Variants in ABCA1 observed in about 807,000 individuals in gnomAD.
ABCA1 encodes the protein phospholipid-transporting ATPase ABCA1.
A neutral mutation model predicts 262.5 loss-of-function variants in ABCA1; 133 were observed. The ratio of observed to expected loss-of-function variants is 0.51; its 90% CI spans 0.44 to 0.59. The LOEUF is 0.59. ABCA1 is among the 20% of genes least tolerant of loss of function. ABCA1 has a pLI of 0.00. For synonymous variants in ABCA1, 1,022 were observed against 1,043.5 expected, an observed-to-expected ratio of 0.98 and a Z score of 0.40; for missense variants, 2,452 against 2,777.5, an observed-to-expected ratio of 0.88 and a Z score of 2.63.
chr9:104,872,386 G>A (rs1837697850), intron 5 of ABCA1, among the ~76,000 whole-genome samples: 1 of 152,174 alleles, frequency 6.6e-6, no homozygotes. Context: ...AGCTGGGGAT[G>A]GCACCTATGC....
At chr9:104,914,684 CT>C (rs1841732543) in intron 1 of ABCA1, among the ~76,000 whole-genome samples, 1 of 152,094 alleles carries the variant, frequency 6.6e-6, no homozygotes. Context: ...TGACGCAGCG[CT>C]CCACAATCAC....
chr9:104,907,500 T>C (rs572598517), intron 1 of ABCA1, among the ~76,000 whole-genome samples: 2 of 152,286 alleles, frequency 1.3e-5, no homozygotes, highest in East Asian at 3.9e-4. Flanking sequence ...GCTTAATTAA[T>C]TAAGAGACGG....
At chr9:104,862,834 A>G (rs1836757622) in intron 5 of ABCA1, among the ~76,000 whole-genome samples, 1 of 145,950 alleles carries the variant, frequency 6.9e-6, no homozygotes, top group South Asian at 2.2e-4. Context: ...CCTGGGGACC[A>G]TGTTTTGACA....
Position 104,784,270 on chromosome 9 carries a change from T to C in ABCA1, c.*45A>G, listed in dbSNP as rs1175904764. On this transcript the variant is annotated 3_prime_UTR_variant, in exon 50 of 50. Transcript: ENST00000374736. ...ACACTTCACATGGTGCAAAGGAAAGTCTAGTTCCTCTTTACTTTCAGCCAC... is the reference window on the plus strand; with the variant it reads ...ACACTTCACATGGTGCAAAGGAAAGCCTAGTTCCTCTTTACTTTCAGCCAC... 3 of 1,612,884 alleles carry C rather than the reference T, an allele frequency of 1.9e-6. No individual in the cohort carries two copies. Among genetic ancestry groups the C allele is most frequent in the Non-Finnish European group, 1.7e-6 (2 of 1,179,218 alleles).
chr9:104,821,442 G>A lies in ABCA1; in HGVS notation c.2893C>T (p.Arg965Cys), dbSNP rs375095390. Residue 965 changes from arginine (R) to cysteine (C), a missense_variant, in exon 20 of 50, where the codon CGC becomes TGC. Arg to Cys is a radical substitution (Grantham distance 180). Coordinates refer to ENST00000374736, the MANE Select transcript of ABCA1 (RefSeq NM_005502.4). ...GTAYILGKDI[R>C]SEMSTIRQNL... Reference sequence around the variant, plus strand: ...TGCCGGATGGTGCTCATCTCAGAGCGAATGTCTTTTCCCAGGATGTAGGCG... The same window carrying A: ...TGCCGGATGGTGCTCATCTCAGAGCAAATGTCTTTTCCCAGGATGTAGGCG... 3.3e-5 allele frequency: 54 copies of A among 1,613,994 alleles called. No homozygotes were observed. In the Middle Eastern group the frequency reaches 6.6e-4, roughly 20 times the overall value.
At chr9:104,869,491 C>A (rs533161339) in intron 5 of ABCA1, among the ~76,000 whole-genome samples, 7 of 152,158 alleles carry the variant, frequency 4.6e-5, no homozygotes, top group Admixed American at 4.6e-4. Flanking sequence ...ACTCCAGTGT[C>A]TTTATGGTAT....
Position 104,883,130 on chromosome 9 carries a change from C to T in ABCA1, c.330G>A (p.Arg110=). 1 of 1,613,478 alleles carries T rather than the reference C, an allele frequency of 6.2e-7. No homozygotes were observed. Among genetic ancestry groups the T allele is most frequent in the African/African-American group, 1.3e-5 (1 of 74,440 alleles). Residue 110 remains arginine (R), a synonymous_variant, in exon 5 of 50, where the codon CGG becomes CGA. Transcript: ENST00000374736. ...CTTTCTGGCTGTATAAAAGAAGCCT[C>T]CGAGCATCTGAGAACAGGCGAGCCA... ...SIVARLFSDA[R]RLLLYSQKDT...
At chr9:104,807,341 C>G (rs575770275) in intron 30 of ABCA1, among the ~76,000 whole-genome samples, 1 of 152,302 alleles carries the variant, frequency 6.6e-6, no homozygotes, top group South Asian at 2.1e-4. Context: ...AACCTCATCT[C>G]CAGCTCTGAA....
chr9:104,835,056 C>T (rs181202677), intron 11 of ABCA1, among the ~76,000 whole-genome samples: 64 of 152,058 alleles, frequency 4.2e-4, no homozygotes, highest in African/African-American at 1.4e-3. Flanking sequence ...CATTCCAGCC[C>T]GACCAACATG....
At chr9:104,798,358 T>C in intron 37 of ABCA1, 63 bp downstream of exon 37, 3 of 1,571,134 alleles carry the variant, frequency 1.9e-6, no homozygotes, top group Non-Finnish European at 2.6e-6. Context: ...TCTTTCTTTC[T>C]TATCCATATC....
intron 44 of ABCA1, among the ~76,000 whole-genome samples, chr9:104,789,853 G>A (rs1358585535): frequency 6.6e-6 from 1 of 152,098 alleles, no homozygotes; most frequent in East Asian, 1.9e-4. Flanking sequence ...CAGAACTTTG[G>A]GAGGCTGAGG....
In ABCA1 at chr9:104,804,718, T is replaced by C. The variant is rs748954107; in HGVS notation, c.4467A>G (p.Arg1489=). 1.9e-6 allele frequency: 3 copies of C among 1,613,622 alleles called. No homozygotes were observed. In the Admixed American group the frequency reaches 5.0e-5, roughly 27 times the overall value. The change falls in exon 32 of 50, where the codon AGA becomes AGG. Residue 1489 remains arginine (R), a splice_region_variant and synonymous_variant. Coordinates refer to ENST00000374736, the MANE Select transcript of ABCA1 (RefSeq NM_005502.4). ...GAAGGATATCTGCAGTGTTTTGTTTTCTCTGTCATCACATGAAAACCAAGC... is the reference window on the plus strand; with the variant it reads ...GAAGGATATCTGCAGTGTTTTGTTTCCTCTGTCATCACATGAAAACCAAGC... ...PGAGGLPPPQ[R]KQNTADILQD...
intron 46 of ABCA1, 163 bp downstream of exon 46, chr9:104,787,757 G>C: frequency 1.1e-6 from 1 of 892,586 alleles, no homozygotes; most frequent in Non-Finnish European, 1.3e-6. Context: ...CCACCCCAGT[G>C]TGTGCCAAGG....
intron 48 of ABCA1, 64 bp from the exon 49 acceptor site, chr9:104,785,703 C>G: frequency 1.2e-6 from 2 of 1,601,846 alleles, no homozygotes; most frequent in Non-Finnish European, 1.7e-6. Context: ...GAATACTGAA[C>G]CCTGGGAACC....
intron 2 of ABCA1, among the ~76,000 whole-genome samples, chr9:104,901,376 G>A (rs1840655854): frequency 6.6e-6 from 1 of 151,978 alleles, no homozygotes; most frequent in Non-Finnish European, 1.5e-5. Context: ...AAAATAAGAG[G>A]TTCAGACTAG....
At chr9:104,848,410 T>C (rs1236036789) in intron 7 of ABCA1, among the ~76,000 whole-genome samples, 1 of 151,166 alleles carries the variant, frequency 6.6e-6, no homozygotes, top group Non-Finnish European at 1.5e-5. Flanking sequence ...AGGTCAGGAG[T>C]TCAAGACGAG....
At chr9:104,854,632 A>C (rs931673191) in intron 7 of ABCA1, among the ~76,000 whole-genome samples, 3 of 152,106 alleles carry the variant, frequency 2.0e-5, no homozygotes, top group Admixed American at 2.0e-4. Flanking sequence ...GACCCAAGAG[A>C]AAGTTAAGAA....
At chr9:104,820,720 C>T (rs942429026) in intron 20 of ABCA1, among the ~76,000 whole-genome samples, 2 of 152,098 alleles carry the variant, frequency 1.3e-5, no homozygotes, top group African/African-American at 2.4e-5. Flanking sequence ...TGAAGCACTA[C>T]CAGGTCTGGG....
intron 11 of ABCA1, among the ~76,000 whole-genome samples, chr9:104,834,030 A>G (rs1833581714): frequency 6.7e-6 from 1 of 149,146 alleles, no homozygotes; most frequent in South Asian, 2.1e-4. Context: ...TGGAGTCTCC[A>G]AGGGTCTGAA....
Sources: gnomAD v4.1 joint callset for allele counts (sites outside exome capture counted in the v4.1 genomes callset) on GRCh38, gnomAD v4.1.1 for gene constraint, MANE v1.5 for transcripts, NCBI Gene and HGNC (gene_info 2026-07-23, HGNC 2026-07-21) for gene names.